DPP10: variants seen among roughly 807,000 people sequenced by gnomAD.
The protein encoded by DPP10 is inactive dipeptidyl peptidase 10.
A neutral mutation model predicts 120.9 loss-of-function variants in DPP10; 33 were observed. That is an observed-to-expected ratio of 0.27 (90% CI 0.21 to 0.37). The LOEUF is 0.37. DPP10 is among the 10% of genes least tolerant of loss of function. DPP10 has a pLI of 1.00. For missense variants in DPP10, 816 were observed against 942.8 expected (o/e 0.87, Z 1.76); for synonymous variants, 337 against 326.1 (o/e 1.03, Z -0.36).
At chr2:115,157,783 A>C (rs1017676888) in intron 1 of DPP10, among the ~76,000 whole-genome samples, 1 of 152,198 alleles carries the variant, frequency 6.6e-6, no homozygotes, top group African/African-American at 2.4e-5. Flanking sequence ...ATTTCAGGCC[A>C]AGTCTCTGAA....
chr2:114,489,788 T>C (rs938080577), intron 1 of DPP10, among the ~76,000 whole-genome samples: 2 of 152,126 alleles, frequency 1.3e-5, no homozygotes, highest in Non-Finnish European at 2.9e-5. Context: ...TACCGTAAAA[T>C]ACATAAGCCT....
intron 1 of DPP10, among the ~76,000 whole-genome samples, chr2:115,114,572 C>T (rs1242569199): frequency 2.0e-5 from 3 of 152,194 alleles, no homozygotes; most frequent in Non-Finnish European, 4.4e-5. Flanking sequence ...AAACACCCCA[C>T]TTTTACCGCT....
chr2:114,502,414 C>T (rs1683277620), intron 1 of DPP10, among the ~76,000 whole-genome samples: 1 of 151,982 alleles, frequency 6.6e-6, no homozygotes, highest in South Asian at 2.1e-4. Flanking sequence ...TGAACATATC[C>T]CCTTTATAAA....
chr2:114,866,195 G>T (rs950226822), intron 1 of DPP10, among the ~76,000 whole-genome samples: 1 of 151,718 alleles, frequency 6.6e-6, no homozygotes, highest in African/African-American at 2.4e-5. Flanking sequence ...TACAAATCAT[G>T]ATAAGAAAGA....
intron 1 of DPP10, among the ~76,000 whole-genome samples, chr2:114,578,818 C>T (rs1337257841): frequency 6.6e-6 from 1 of 152,164 alleles, no homozygotes. Context: ...ACCTGATCCT[C>T]TTCTATTTAT....
intron 1 of DPP10, among the ~76,000 whole-genome samples, chr2:115,063,318 T>G (rs887624523): frequency 6.6e-6 from 1 of 152,200 alleles, no homozygotes; most frequent in Non-Finnish European, 1.5e-5. Context: ...TTGCAAAAAT[T>G]TTCTCCCATT....
intron 1 of DPP10, among the ~76,000 whole-genome samples, chr2:114,519,714 C>T (rs1684894605): frequency 6.6e-6 from 1 of 152,220 alleles, no homozygotes; most frequent in South Asian, 2.1e-4. Flanking sequence ...TTCTCAGATT[C>T]ATAGCATGGA....
intron 17 of DPP10, 33 bp from the exon 18 acceptor site, chr2:115,791,048 T>G (rs1683915511): frequency 2.7e-6 from 4 of 1,496,128 alleles, no homozygotes; most frequent in Non-Finnish European, 3.7e-6. Context: ...TGCATAGGGG[T>G]TAGCTATTTA....
chr2:115,392,748 A>G (rs1280782300), intron 3 of DPP10, among the ~76,000 whole-genome samples: 2 of 152,176 alleles, frequency 1.3e-5, no homozygotes, highest in Non-Finnish European at 2.9e-5. Context: ...TTAAAATTGC[A>G]TATAAATGCA....
intron 1 of DPP10, among the ~76,000 whole-genome samples, chr2:115,080,557 TATGAATTGTCTGTGGCTG>T (rs1274494017): frequency 2.6e-5 from 4 of 152,172 alleles, no homozygotes; most frequent in Admixed American, 2.6e-4. Flanking sequence ...CTTATTCTTC[TATGAATTGTCTGTGGCTG>T]ATTTTGTACA....
At chr2:114,753,775 G>A (rs1037835416) in intron 1 of DPP10, among the ~76,000 whole-genome samples, 1 of 151,714 alleles carries the variant, frequency 6.6e-6, no homozygotes, top group African/African-American at 2.4e-5. Flanking sequence ...CAGGCGTGGT[G>A]GCGGGCGACT....
intron 1 of DPP10, among the ~76,000 whole-genome samples, chr2:114,547,419 A>G (rs1385339049): frequency 6.6e-6 from 1 of 152,112 alleles, no homozygotes; most frequent in East Asian, 1.9e-4. Flanking sequence ...CACACCATGC[A>G]GGTCAAGAGG....
chr2:114,890,580 T>A (rs963169539), intron 1 of DPP10, among the ~76,000 whole-genome samples: 1 of 152,194 alleles, frequency 6.6e-6, no homozygotes, highest in Admixed American at 6.5e-5. Context: ...TAGACTAGAA[T>A]TAGGCCAATT....
At chr2:115,421,995 A>G (rs62166081) in intron 3 of DPP10, among the ~76,000 whole-genome samples, 72,034 of 151,748 alleles carry the variant, frequency 0.47, 19,603 homozygotes, top group Non-Finnish European at 0.63. Context: ...AAATGCCCTT[A>G]ATAGACAATG....
chr2:115,155,997 T>C (rs2051883946), intron 1 of DPP10, among the ~76,000 whole-genome samples: 1 of 152,198 alleles, frequency 6.6e-6, no homozygotes. Context: ...ATATGCAGGA[T>C]AGAAACTGAG....
chr2:114,835,505 G>A (rs1687660193), intron 1 of DPP10: 1 of 152,094 alleles, frequency 6.6e-6, no homozygotes, highest in Non-Finnish European at 1.5e-5. Context: ...AATAATATTA[G>A]TCAAAAATAA....
At chr2:115,704,467 C>T (rs1312982584) in intron 7 of DPP10, among the ~76,000 whole-genome samples, 1 of 151,918 alleles carries the variant, frequency 6.6e-6, no homozygotes, top group Non-Finnish European at 1.5e-5. Context: ...CATTTTTTCT[C>T]TCTCATTTGT....
intron 1 of DPP10, among the ~76,000 whole-genome samples, chr2:115,269,982 T>C (rs916764613): frequency 6.6e-6 from 1 of 151,924 alleles, no homozygotes; most frequent in Non-Finnish European, 1.5e-5. Context: ...TGGCTGTGGG[T>C]ATTTATGATG....
chr2:115,516,438 A>G (rs902293883), intron 4 of DPP10, among the ~76,000 whole-genome samples: 3 of 151,788 alleles, frequency 2.0e-5, no homozygotes, highest in African/African-American at 7.2e-5. Flanking sequence ...TATCAAAAGG[A>G]TACTGACAAA....
Sources: gnomAD v4.1 joint callset for allele counts (sites outside exome capture counted in the v4.1 genomes callset) on GRCh38, gnomAD v4.1.1 for gene constraint, MANE v1.5 for transcripts, NCBI Gene and HGNC (gene_info 2026-07-23, HGNC 2026-07-21) for gene names.